The following EVI5L variants were observed in gnomAD, a reference collection of about 807,000 sequenced individuals.
The protein encoded by EVI5L is ecotropic viral integration site 5 like, also known as EVI5-like protein.
A neutral mutation model predicts 106.1 loss-of-function variants in EVI5L; 30 were observed. That is an observed-to-expected ratio of 0.28 (90% CI 0.21 to 0.38). The LOEUF (loss-of-function observed/expected upper bound fraction) is 0.38. EVI5L is among the 10% of genes least tolerant of loss of function. EVI5L has a pLI of 1.00. For synonymous variants in EVI5L, 489 were observed against 483.3 expected (o/e 1.01, Z -0.15); for missense variants, 809 against 1,098.0 (o/e 0.74, Z 3.72).
intron 1 of EVI5L, among the ~76,000 whole-genome samples, chr19:7,838,082 T>TG (rs1298518140): frequency 2.6e-5 from 4 of 151,212 alleles, no homozygotes; most frequent in Admixed American, 6.6e-5. Context: ...TGTGTTTATT[T>TG]TTTTTTTGGT....
chr19:7,863,665 A>C lies in EVI5L; in HGVS notation c.2381A>C (p.Glu794Ala). ...GGCAGCTCAGACAGCGACGCCGATGAGCTGGCCGCGCCCTACAGCCAGGGT... is the reference window on the plus strand; with the variant it reads ...GGCAGCTCAGACAGCGACGCCGATGCGCTGGCCGCGCCCTACAGCCAGGGT... ...SEGSSDSDAD[E>A]LAAPYSQGLD... Residue 794 changes from glutamate to alanine, a missense_variant, in exon 20 of 20, where the codon GAG becomes GCG. Physicochemically the swap from Glu to Ala is moderately radical, Grantham distance 107. This residue lies in a region of EVI5L where 452 missense variants were observed against 509.9 expected (regional missense o/e 0.89). Transcript: ENST00000538904. This position sits in a 1 kb window ranked among gnomAD's most constrained non-coding sequence, Gnocchi z 7.7. 2 of 1,533,674 alleles carry C rather than the reference A, an allele frequency of 1.3e-6. No individual in the cohort carries two copies. Among genetic ancestry groups the C allele is most frequent in the Non-Finnish European group, 1.8e-6 (2 of 1,142,258 alleles).
chr19:7,854,281 C>CAAAAA (rs56186481), intron 10 of EVI5L, among the ~76,000 whole-genome samples: 5 of 94,688 alleles, frequency 5.3e-5, no homozygotes, highest in Admixed American at 1.2e-4. Context: ...GACTGTGTCT[C>CAAAAA]AAAAAAAAAA....
chr19:7,862,544 C>T lies in EVI5L; in HGVS notation c.1947+10C>T. 14 of 1,440,486 alleles carry T rather than the reference C, an allele frequency of 9.7e-6. No individual in the cohort carries two copies. The highest frequency in any genetic ancestry group is 1.5e-5 in the South Asian group (1 of 68,518). 89.2% of individuals were successfully genotyped at this position (1,440,486 alleles called of 1,614,324 possible). ...CGAGGCCGAGTGCAAGGTGCAGACC[C>T]CCGCGGCCCCGCCCTGCCCGTGGCA... On this transcript the variant is annotated intron_variant, in intron 17 of 19. Coordinates refer to ENST00000538904, the MANE Select transcript of EVI5L (RefSeq NM_001159944.3).
At chr19:7,836,535 C>T (rs996881957) in intron 1 of EVI5L, among the ~76,000 whole-genome samples, 4 of 152,192 alleles carry the variant, frequency 2.6e-5, no homozygotes, top group Non-Finnish European at 5.9e-5. Flanking sequence ...ATCCTTCTTC[C>T]TCCTCAGCCT....
intron 1 of EVI5L, among the ~76,000 whole-genome samples, chr19:7,841,718 C>T (rs1408356235): frequency 6.6e-6 from 1 of 152,186 alleles, no homozygotes; most frequent in Non-Finnish European, 1.5e-5. Context: ...GGACCCCAGA[C>T]CCAGAGGCCA....
At chr19:7,861,790 G>A in intron 14 of EVI5L, 88 bp from the exon 15 acceptor site, 1 of 1,507,364 alleles carries the variant, frequency 6.6e-7, no homozygotes, top group South Asian at 1.3e-5. Flanking sequence ...CAGAGCTCAG[G>A]AGGAAACGTG....
intron 6 of EVI5L, among the ~76,000 whole-genome samples, chr19:7,851,087 G>A (rs1979227552): frequency 6.6e-6 from 1 of 152,064 alleles, no homozygotes; most frequent in African/African-American, 2.4e-5. Context: ...GGGTCTCAGG[G>A]TGTCTGTGGG....
intron 13 of EVI5L, among the ~76,000 whole-genome samples, chr19:7,859,830 G>A (rs1284092579): frequency 6.6e-6 from 1 of 152,268 alleles, no homozygotes; most frequent in Admixed American, 6.5e-5. Context: ...AGCCACATGG[G>A]GCCTGGAGGC....
rs1978477564 is a variant in EVI5L, at chr19:7,839,069, A to G, written c.-47-7427A>G. ...TGTAATCTCAGAACTTTGGGAGGCC[A>G]ATGCGGGCAGATCACAAGGTCAGGA... On this transcript the variant is annotated intron_variant, in intron 1 of 19. Transcript: ENST00000538904. Among the ~76,000 whole-genome samples the G allele has an allele frequency of 2.0e-5, 3 of 151,814 alleles. No homozygotes were observed. In the South Asian group the frequency reaches 6.2e-4, roughly 32 times the overall value.
Position 7,856,060 on chromosome 19 carries a change from C to T in EVI5L, c.1192C>T (p.Leu398=). The part of the protein sequence containing the change: ...NRLLKQRIET[L]EKESAALADR... Reference sequence around the variant, plus strand: ...GCTCCTGAAACAGCGGATTGAAACCCTAGAGAAGGTGAGGGGCGTGGCCAC... The same window carrying T: ...GCTCCTGAAACAGCGGATTGAAACCTTAGAGAAGGTGAGGGGCGTGGCCAC... Residue 398 remains leucine (L), a synonymous_variant, in exon 11 of 20, where the codon CTA becomes TTA. Coordinates refer to ENST00000538904, the MANE Select transcript of EVI5L (RefSeq NM_001159944.3). This position sits in a 1 kb window ranked among gnomAD's most constrained non-coding sequence, Gnocchi z 6.6. 1 of 1,328,282 alleles carries T rather than the reference C, an allele frequency of 7.5e-7. No individual in the cohort carries two copies. Among genetic ancestry groups the T allele is most frequent in the Non-Finnish European group, 9.7e-7 (1 of 1,029,550 alleles). 82.3% of individuals were successfully genotyped at this position (1,328,282 alleles called of 1,614,324 possible). A position where few individuals can be genotyped will look rare whatever the true frequency, so the allele number is the denominator to read the frequency against.
rs1568229324 is a variant in EVI5L, at chr19:7,830,260, G to C, written c.-169G>C. ...CAGCGGCGGAGCCGGCGGCGGCCGC[G>C]GTCCCGGGGGGCGGCTGAGGGGGCC... On this transcript the variant is annotated 5_prime_UTR_variant, in exon 1 of 20. Coordinates refer to ENST00000538904, the MANE Select transcript of EVI5L (RefSeq NM_001159944.3). 1.3e-5 allele frequency: 2 copies of C among 151,842 alleles called. No individual in the cohort carries two copies. Among genetic ancestry groups the C allele is most frequent in the African/African-American group, 4.8e-5 (2 of 41,274 alleles). The allele number at this position is 151,842 out of a possible 1,614,324, so 9.4% of individuals were successfully genotyped here.
Position 7,831,251 on chromosome 19 carries a change from A to G in EVI5L, c.-48+870A>G, listed in dbSNP as rs974258533. ...AACACACACACACACACACACACAC[A>G]CACACACACACACACACACACAGTC... On this transcript the variant is annotated intron_variant, in intron 1 of 19. Transcript: ENST00000538904. Among the ~76,000 whole-genome samples, 182 of 150,954 alleles carry G rather than the reference A, an allele frequency of 1.2e-3. 1 individual carries two copies. The highest frequency in any genetic ancestry group is 2.3e-3 in the Non-Finnish European group (156 of 67,704).
At position 7,863,144 on chromosome 19, in the gene EVI5L, C is replaced by T. The variant is rs778622554; in HGVS notation, c.2044-41C>T. 5 of 1,543,182 alleles carry T rather than the reference C, an allele frequency of 3.2e-6. No individual in the cohort carries two copies. The African/African-American group carries it at 4.1e-5, about 13-fold the overall frequency. ...CAGGAGCGGGGCCGGACCCCAGGCCCAGCATGGCACTGGCCCCGCGTGACC... is the reference window on the plus strand; with the variant it reads ...CAGGAGCGGGGCCGGACCCCAGGCCTAGCATGGCACTGGCCCCGCGTGACC... On this transcript the variant is annotated intron_variant, in intron 18 of 19. Coordinates refer to ENST00000538904, the MANE Select transcript of EVI5L (RefSeq NM_001159944.3). The surrounding 1 kb of genome is among the most constrained non-coding windows in gnomAD (Gnocchi z 7.7).
At chr19:7,831,437 G>C (rs1355343465) in intron 1 of EVI5L, among the ~76,000 whole-genome samples, 1 of 151,682 alleles carries the variant, frequency 6.6e-6, no homozygotes, top group African/African-American at 2.4e-5. Flanking sequence ...AGCTCAAGCA[G>C]AGATTCCAGA....
rs1438007023 is a variant in EVI5L, at chr19:7,848,316, G to T, written c.327+395G>T. 6.6e-6 allele frequency among the ~76,000 whole-genome samples: 1 copy of T among 152,010 alleles called. No individual in the cohort carries two copies. The highest frequency in any genetic ancestry group is 1.5e-5 in the Non-Finnish European group (1 of 68,012). The stretch of plus-strand genomic sequence containing the variant: ...AAAAGTTTAAAAATTAGCCAGGTAG[G>T]CCGGGCGCAGTGGCTCACGCCTGTA... On this transcript the variant is annotated intron_variant, in intron 3 of 19. Transcript: ENST00000538904. The surrounding 1 kb of genome is among the most constrained non-coding windows in gnomAD (Gnocchi z 4.8).
chr19:7,856,127 G>C lies in EVI5L; in HGVS notation c.1200+59G>C. 1 of 1,297,896 alleles carries C rather than the reference G, an allele frequency of 7.7e-7. No individual in the cohort carries two copies. The highest frequency in any genetic ancestry group is 9.9e-7 in the Non-Finnish European group (1 of 1,007,584). The allele number at this position is 1,297,896 out of a possible 1,614,324, so 80.4% of individuals were successfully genotyped here. A position where few individuals can be genotyped will look rare whatever the true frequency, so the allele number is the denominator to read the frequency against. On this transcript the variant is annotated intron_variant, in intron 11 of 19. Coordinates refer to ENST00000538904, the MANE Select transcript of EVI5L (RefSeq NM_001159944.3). The surrounding 1 kb of genome is among the most constrained non-coding windows in gnomAD (Gnocchi z 6.6). ...CCATGGGGTGTGACCCACCATGCGGGGCATGGCCGCTAACCTGGGGTGGAC... is the reference window on the plus strand; with the variant it reads ...CCATGGGGTGTGACCCACCATGCGGCGCATGGCCGCTAACCTGGGGTGGAC...
In EVI5L at chr19:7,856,104, A is replaced by G; in HGVS notation, c.1200+36A>G. The stretch of plus-strand genomic sequence containing the variant: ...TGGCCACTGTGAGGACATGGTCGCC[A>G]TGGGGTGTGACCCACCATGCGGGGC... On this transcript the variant is annotated intron_variant, in intron 11 of 19. Transcript: ENST00000538904. The surrounding 1 kb of genome is among the most constrained non-coding windows in gnomAD (Gnocchi z 6.6). The G allele has an allele frequency of 7.6e-7, 1 of 1,316,780 alleles. No homozygotes were observed. Among genetic ancestry groups the G allele is most frequent in the Non-Finnish European group, 9.8e-7 (1 of 1,023,278 alleles). The allele number at this position is 1,316,780 out of a possible 1,614,324, so 81.6% of individuals were successfully genotyped here. A position where few individuals can be genotyped will look rare whatever the true frequency, so the allele number is the denominator to read the frequency against.
rs548869303 is a variant in EVI5L, at chr19:7,845,522, T to G, written c.-47-974T>G. On this transcript the variant is annotated intron_variant, in intron 1 of 19. Coordinates refer to ENST00000538904, the MANE Select transcript of EVI5L (RefSeq NM_001159944.3). The surrounding 1 kb of genome is among the most constrained non-coding windows in gnomAD (Gnocchi z 4.0). ...GTTCTGACCAGGTTATGTGCAGTCA[T>G]GTGCTCAGTTTCCACAGCCACCCTT... is the stretch of plus-strand genomic sequence containing the variant. 2.0e-5 allele frequency among the ~76,000 whole-genome samples: 3 copies of G among 152,214 alleles called. No individual in the cohort carries two copies. The highest frequency in any genetic ancestry group is 7.2e-5 in the African/African-American group (3 of 41,458).
rs780884785 is a variant in EVI5L, at chr19:7,856,004, C to T, written c.1147-11C>T. Reference sequence around the variant, plus strand: ...GGCGGGCTATGACGTGATCTCCCCCCACCCCCATAGAGACTTCGGACGGAG... The same window carrying T: ...GGCGGGCTATGACGTGATCTCCCCCTACCCCCATAGAGACTTCGGACGGAG... On this transcript the variant is annotated splice_polypyrimidine_tract_variant and intron_variant, in intron 10 of 19. Transcript: ENST00000538904. This position sits in a 1 kb window ranked among gnomAD's most constrained non-coding sequence, Gnocchi z 6.6. 3.0e-6 allele frequency: 4 copies of T among 1,327,430 alleles called. No homozygotes were observed. Among genetic ancestry groups the T allele is most frequent in the Non-Finnish European group, 9.7e-7 (1 of 1,029,036 alleles). The allele number at this position is 1,327,430 out of a possible 1,614,324, so 82.2% of individuals were successfully genotyped here.
Sources: gnomAD v4.1 joint callset for allele counts (sites outside exome capture counted in the v4.1 genomes callset) on GRCh38, gnomAD v4.1.1 for gene constraint, gnomAD v4.1.1 regional missense constraint, Gnocchi (gnomAD v3.1) non-coding constraint, MANE v1.5 for transcripts, NCBI Gene and HGNC (gene_info 2026-07-23, HGNC 2026-07-21) for gene names.